DAPK1: variants seen among roughly 807,000 people sequenced by gnomAD.
DAPK1 encodes the protein death associated protein kinase 1, also known as death-associated protein kinase 1.
Under a neutral mutation model 144.9 loss-of-function variants are expected in DAPK1, and 56 were observed. The ratio of observed to expected loss-of-function variants is 0.39; its 90% confidence interval spans 0.31 to 0.48. The LOEUF (loss-of-function observed/expected upper bound fraction) is 0.48, where lower values mean the gene tolerates loss of function less well. DAPK1 is among the 20% of genes least tolerant of loss of function. DAPK1 has a pLI of 0.95. For missense variants in DAPK1, 1,454 were observed against 1,875.4 expected, an observed-to-expected ratio of 0.78 and a Z score of 4.15; for synonymous variants, 690 against 749.0, an observed-to-expected ratio of 0.92 and a Z score of 1.29.
chr9:87,695,598 C>T (rs1825228509), intron 21 of DAPK1, among the ~76,000 whole-genome samples: 1 of 152,158 alleles, frequency 6.6e-6, no homozygotes, highest in Admixed American at 6.5e-5. Context: ...AACCTTTGAC[C>T]CCTGCTTGAC....
intron 20 of DAPK1, among the ~76,000 whole-genome samples, chr9:87,685,282 T>G (rs1432416660): frequency 1.3e-5 from 2 of 152,204 alleles, no homozygotes; most frequent in African/African-American, 2.4e-5. Flanking sequence ...GGATCCACTT[T>G]TCTTCTCCTC....
chr9:87,549,891 C>A (rs1826411298), intron 2 of DAPK1, among the ~76,000 whole-genome samples: 1 of 152,110 alleles, frequency 6.6e-6, no homozygotes, highest in South Asian at 2.1e-4. Flanking sequence ...TTTTATCTTT[C>A]CCTCTGTCAC....
chr9:87,563,795 G>A (rs1255351972), intron 2 of DAPK1, among the ~76,000 whole-genome samples: 2 of 152,150 alleles, frequency 1.3e-5, no homozygotes, highest in Non-Finnish European at 2.9e-5. Context: ...GAGATGACCT[G>A]CCCAGCTGAG....
At chr9:87,603,335 G>A (rs1828594617) in intron 2 of DAPK1, among the ~76,000 whole-genome samples, 1 of 152,150 alleles carries the variant, frequency 6.6e-6, no homozygotes, top group African/African-American at 2.4e-5. Context: ...TCATTACATA[G>A]ACCCCGTAAT....
intron 2 of DAPK1, among the ~76,000 whole-genome samples, chr9:87,504,154 C>G (rs919260880): frequency 6.6e-6 from 1 of 152,152 alleles, no homozygotes; most frequent in Non-Finnish European, 1.5e-5. Context: ...TAGGACTGTG[C>G]TGAATGTGAC....
In DAPK1 at chr9:87,648,486, A is replaced by G. The variant is rs1202138215; in HGVS notation, c.1330-295A>G. The G allele has an allele frequency of 2.0e-5, 7 of 343,424 alleles. No homozygotes were observed. In the East Asian group the frequency reaches 2.3e-4, roughly 11 times the overall value. The allele number at this position is 343,424 out of a possible 1,614,324, so 21.3% of individuals were successfully genotyped here. A position where few individuals can be genotyped will look rare whatever the true frequency, so the allele number is the denominator to read the frequency against. The stretch of plus-strand genomic sequence containing the variant: ...AAGAGAAAATCACACAGCTAGAAGT[A>G]TCAGCACATAAAGAAGACTGAGAAC... On this transcript the variant is annotated intron_variant, in intron 14 of 25. Coordinates refer to ENST00000408954, the MANE Select transcript of DAPK1 (RefSeq NM_004938.4).
chr9:87,650,097 C>T lies in DAPK1; in HGVS notation c.1605C>T (p.Ala535=), dbSNP rs573500106. Residue 535 remains alanine, a synonymous_variant, in exon 16 of 26, where the codon GCC becomes GCT. Coordinates refer to ENST00000408954, the MANE Select transcript of DAPK1 (RefSeq NM_004938.4). ...DIVECLAEHG[A]DLNACDKDGH... is the part of the protein sequence containing the mutation. ...TGGAGTGTCTGGCCGAACATGGAGC[C>T]GACCTTAATGCTTGCGACAAGGTGC... 32 of 1,614,038 alleles carry T rather than the reference C, an allele frequency of 2.0e-5. No individual in the cohort carries two copies. In the East Asian group the frequency reaches 5.6e-4, roughly 28 times the overall value.
rs573868205 is a variant in DAPK1, at chr9:87,581,888, T to C, written c.63-23066T>C. Among the ~76,000 whole-genome samples, 9 of 152,346 alleles carry C rather than the reference T, an allele frequency of 5.9e-5. No individual in the cohort carries two copies. In the South Asian group the frequency reaches 1.9e-3, roughly 32 times the overall value. ...ATTTTTAAACATTTATTCCCACTCA[T>C]TTTCTTTAATTTGAGACACTCGGGC... On this transcript the variant is annotated intron_variant, in intron 2 of 25. Transcript: ENST00000408954.
intron 11 of DAPK1, 100 bp from the exon 12 acceptor site, chr9:87,645,795 A>T: frequency 1.4e-6 from 2 of 1,463,610 alleles, no homozygotes; most frequent in Non-Finnish European, 1.9e-6. Flanking sequence ...CTTTCCTCTG[A>T]ATGCCCCTGT....
chr9:87,557,118 T>G (rs1174575754), intron 2 of DAPK1, among the ~76,000 whole-genome samples: 1 of 152,152 alleles, frequency 6.6e-6, no homozygotes, highest in Non-Finnish European at 1.5e-5. Flanking sequence ...GAGCAACTCT[T>G]CCTCAACATC....
chr9:87,686,114 CAT>C lies in DAPK1; in HGVS notation c.2225-436_2225-435del, dbSNP rs371632262. Reference sequence around the variant, plus strand: ...TCCATTTAACCTGCAATAATAATCTCATGTGCAAGAGAGAGAAGTCGCTCAGT... The same window carrying C: ...TCCATTTAACCTGCAATAATAATCTCGTGCAAGAGAGAGAAGTCGCTCAGT... On this transcript the variant is annotated intron_variant, in intron 20 of 25. Coordinates refer to ENST00000408954, the MANE Select transcript of DAPK1 (RefSeq NM_004938.4). The surrounding 1 kb of genome is among the most constrained non-coding windows in gnomAD (Gnocchi z 4.2). Among the ~76,000 whole-genome samples the C allele has an allele frequency of 1.7e-4, 26 of 152,334 alleles. No homozygotes were observed. The East Asian group carries it at 4.0e-3, about 24-fold the overall frequency.
chr9:87,672,925 C>T (rs1267877401), intron 19 of DAPK1, among the ~76,000 whole-genome samples: 1 of 152,122 alleles, frequency 6.6e-6, no homozygotes, highest in African/African-American at 2.4e-5. Context: ...CTTGGGTCAC[C>T]TGGAGGAGGA....
intron 3 of DAPK1, among the ~76,000 whole-genome samples, chr9:87,624,712 T>C (rs1392067367): frequency 1.3e-5 from 2 of 152,176 alleles, no homozygotes; most frequent in African/African-American, 4.8e-5. Context: ...TGACCTCGAG[T>C]CAGCTTTCTG....
intron 3 of DAPK1, among the ~76,000 whole-genome samples, chr9:87,635,128 G>C (rs1158074392): frequency 2.0e-5 from 3 of 152,104 alleles, no homozygotes; most frequent in Non-Finnish European, 4.4e-5. Context: ...GCTGGCAGGA[G>C]AAGGAGATCC....
chr9:87,600,988 C>T (rs551140221), intron 2 of DAPK1, among the ~76,000 whole-genome samples: 7 of 152,244 alleles, frequency 4.6e-5, no homozygotes, highest in Admixed American at 4.6e-4. Context: ...TAGGAATCCT[C>T]ACCAGAAAAG....
intron 2 of DAPK1, among the ~76,000 whole-genome samples, chr9:87,519,012 G>A (rs1448616545): frequency 6.6e-6 from 1 of 152,212 alleles, no homozygotes; most frequent in African/African-American, 2.4e-5. Context: ...TTTCGCAAGA[G>A]GTGCTCCTTG....
chr9:87,674,384 G>A (rs370203960), intron 19 of DAPK1, among the ~76,000 whole-genome samples: 2 of 151,830 alleles, frequency 1.3e-5, no homozygotes, highest in Non-Finnish European at 2.9e-5. Flanking sequence ...AGATGGTGGT[G>A]TGTGCCTGTA....
chr9:87,574,563 T>C (rs1344558052), intron 2 of DAPK1, among the ~76,000 whole-genome samples: 1 of 152,198 alleles, frequency 6.6e-6, no homozygotes, highest in Non-Finnish European at 1.5e-5. Flanking sequence ...AATAATTTAA[T>C]TAATTACAGC....
chr9:87,570,018 A>G (rs1367071329), intron 2 of DAPK1, among the ~76,000 whole-genome samples: 1 of 152,236 alleles, frequency 6.6e-6, no homozygotes, highest in East Asian at 1.9e-4. Context: ...AGAAATGCTT[A>G]TAAGACAAAA....
Sources: allele counts gnomAD v4.1 joint callset (sites outside exome capture counted in the v4.1 genomes callset), GRCh38; gene constraint gnomAD v4.1.1; non-coding constraint Gnocchi (gnomAD v3.1); transcripts MANE v1.5; gene names NCBI Gene and HGNC (gene_info 2026-07-23, HGNC 2026-07-21).